PARD3: variants seen among roughly 807,000 people sequenced by gnomAD.
PARD3 encodes partitioning defective 3 homolog.
PARD3 carries 75 observed loss-of-function variants against 155.4 expected under a neutral mutation model. The observed-to-expected ratio is 0.48, with a 90% CI of 0.40 to 0.58. The LOEUF (loss-of-function observed/expected upper bound fraction) is 0.58, where lower values mean the gene tolerates loss of function less well. PARD3 is among the 20% of genes least tolerant of loss of function. The pLI, the probability that PARD3 is intolerant of heterozygous loss-of-function variation, is 0.00. For missense variants in PARD3, 1,642 were observed against 1,721.7 expected, an observed-to-expected ratio of 0.95 and a Z score of 0.82; for synonymous variants, 576 against 610.5, an observed-to-expected ratio of 0.94 and a Z score of 0.83.
chr10:34,371,264 G>T (rs1840575008), intron 12 of PARD3, among the ~76,000 whole-genome samples: 1 of 151,766 alleles, frequency 6.6e-6, no homozygotes, highest in Non-Finnish European at 1.5e-5. Context: ...ATTTTGATTA[G>T]ATATAATTGC....
At chr10:34,243,101 T>C (rs773504929) in intron 22 of PARD3, among the ~76,000 whole-genome samples, 19 of 152,244 alleles carry the variant, frequency 1.2e-4, no homozygotes, top group Non-Finnish European at 1.2e-4. Flanking sequence ...GAACCAATTA[T>C]AATTACCTAG....
intron 2 of PARD3, among the ~76,000 whole-genome samples, chr10:34,581,239 T>C (rs1287263281): frequency 1.5e-5 from 2 of 136,204 alleles, no homozygotes; most frequent in South Asian, 2.4e-4. Flanking sequence ...CTTTTCTTTT[T>C]TTTTTTTTTT....
chr10:34,366,942 A>G (rs1260199917), intron 12 of PARD3, among the ~76,000 whole-genome samples: 1 of 152,210 alleles, frequency 6.6e-6, no homozygotes, highest in Non-Finnish European at 1.5e-5. Flanking sequence ...TTCAAATGTC[A>G]TATCTGGCTT....
intron 2 of PARD3, among the ~76,000 whole-genome samples, chr10:34,568,879 T>C (rs1019821267): frequency 1.8e-4 from 27 of 152,174 alleles, no homozygotes; most frequent in Non-Finnish European, 2.9e-4. Flanking sequence ...ACACTTCAAC[T>C]GGTAGAGACT....
At chr10:34,420,405 G>C (rs1475029982) in intron 5 of PARD3, among the ~76,000 whole-genome samples, 1 of 152,126 alleles carries the variant, frequency 6.6e-6, no homozygotes, top group Non-Finnish European at 1.5e-5. Context: ...ACTTTTAACA[G>C]TCAGTTTATA....
At chr10:34,190,555 T>C (rs1353191333) in intron 22 of PARD3, among the ~76,000 whole-genome samples, 3 of 151,824 alleles carry the variant, frequency 2.0e-5, no homozygotes, top group Admixed American at 2.0e-4. Flanking sequence ...TTTTTAAGAG[T>C]GTAAAGGGAT....
At chr10:34,208,206 A>G (rs960908774) in intron 22 of PARD3, among the ~76,000 whole-genome samples, 1 of 152,230 alleles carries the variant, frequency 6.6e-6, no homozygotes, top group African/African-American at 2.4e-5. Context: ...GACACAAGTC[A>G]AATCAGGTTG....
chr10:34,482,032 C>T (rs78065174), intron 3 of PARD3, among the ~76,000 whole-genome samples: 2 of 101,572 alleles, frequency 2.0e-5, no homozygotes, highest in Non-Finnish European at 3.6e-5. Flanking sequence ...TAATTTTTAT[C>T]TTTTTTTTTT....
intron 1 of PARD3, among the ~76,000 whole-genome samples, chr10:34,797,092 A>G (rs1842346414): frequency 6.6e-6 from 1 of 152,216 alleles, no homozygotes; most frequent in Non-Finnish European, 1.5e-5. Flanking sequence ...TTTGCCAACA[A>G]CAGCCAGGCC....
intron 23 of PARD3, among the ~76,000 whole-genome samples, chr10:34,127,656 C>A (rs534290461): frequency 6.6e-6 from 1 of 152,172 alleles, no homozygotes; most frequent in Non-Finnish European, 1.5e-5. Context: ...CAGGCAAAGT[C>A]AAATGGCGAA....
chr10:34,478,687 G>C (rs1171910786), intron 3 of PARD3, among the ~76,000 whole-genome samples: 1 of 152,170 alleles, frequency 6.6e-6, no homozygotes, highest in Non-Finnish European at 1.5e-5. Context: ...GGGATTACAG[G>C]CATGTGCCAC....
chr10:34,623,428 T>C (rs2091808878), intron 2 of PARD3, among the ~76,000 whole-genome samples: 1 of 152,204 alleles, frequency 6.6e-6, no homozygotes, highest in African/African-American at 2.4e-5. Context: ...CCTTCAATAA[T>C]TACGTTCAGT....
chr10:34,649,910 A>G (rs970574705), intron 2 of PARD3, among the ~76,000 whole-genome samples: 3 of 151,940 alleles, frequency 2.0e-5, no homozygotes, highest in African/African-American at 7.3e-5. Flanking sequence ...CTTTGTAAAC[A>G]TTGTTGGGAA....
Position 34,382,832 on chromosome 10 carries a change from T to C in PARD3, c.1107A>G (p.Leu369=). The C allele has an allele frequency of 6.2e-7, 1 of 1,614,198 alleles. No homozygotes were observed. The change falls in exon 9 of 25, where the codon CTA becomes CTG. Residue 369 remains leucine, a synonymous_variant. Coordinates refer to ENST00000374788, the MANE Select transcript of PARD3 (RefSeq NM_001184785.2). ...PAANKEQYEQ[L]SQSEKNNYYS... ...AGTAATTGTTCTTCTCACTTTGGGA[T>C]AGTTGTTCATACTGCTCTTTATTTG...
intron 2 of PARD3, among the ~76,000 whole-genome samples, chr10:34,526,441 T>C (rs529264572): frequency 1.3e-5 from 2 of 152,300 alleles, no homozygotes; most frequent in African/African-American, 4.8e-5. Flanking sequence ...AGCAGGACAG[T>C]CACGACCAGG....
intron 20 of PARD3, among the ~76,000 whole-genome samples, chr10:34,287,659 T>C (rs1254593937): frequency 6.6e-6 from 1 of 152,218 alleles, no homozygotes; most frequent in Non-Finnish European, 1.5e-5. Context: ...TGGTCCTACA[T>C]TGTTAAGAAG....
intron 5 of PARD3, among the ~76,000 whole-genome samples, chr10:34,436,500 C>T (rs1281163675): frequency 6.6e-6 from 1 of 152,154 alleles, no homozygotes; most frequent in Non-Finnish European, 1.5e-5. Context: ...TAGTGGAGTG[C>T]AACATGGTAC....
At chr10:34,452,923 GC>G (rs758998719) in intron 4 of PARD3, among the ~76,000 whole-genome samples, 13 of 152,026 alleles carry the variant, frequency 8.6e-5, no homozygotes, top group East Asian at 3.9e-4. Context: ...CAACATTTTT[GC>G]TGATTTTGGT....
At chr10:34,252,350 G>T (rs570939407) in intron 22 of PARD3, among the ~76,000 whole-genome samples, 1 of 152,064 alleles carries the variant, frequency 6.6e-6, no homozygotes, top group African/African-American at 2.4e-5. Context: ...CTCCTGTGAC[G>T]TCCCAGAATT....
Sources: allele counts gnomAD v4.1 joint callset (sites outside exome capture counted in the v4.1 genomes callset), GRCh38; gene constraint gnomAD v4.1.1; transcripts MANE v1.5; gene names NCBI Gene and HGNC (gene_info 2026-07-23, HGNC 2026-07-21).